CYP2C18: variants seen among roughly 807,000 people sequenced by gnomAD.
CYP2C18 encodes the protein cytochrome P450 family 2 subfamily C member 18, also known as cytochrome P450 2C18.
Under a neutral mutation model 41.3 loss-of-function variants are expected in CYP2C18, and 38 were observed. The ratio of observed to expected loss-of-function variants is 0.92; its 90% CI spans 0.71 to 1.21. CYP2C18 has a LOEUF of 1.21. Ranked by LOEUF, CYP2C18 falls within the 50% of genes most tolerant of loss-of-function variation. The probability of loss-of-function intolerance (pLI) is 0.00; values close to 1 mark genes in which losing one functional copy is unlikely to be tolerated. For synonymous variants in CYP2C18, 236 were observed against 210.0 expected, an observed-to-expected ratio of 1.12 and a Z score of -1.07; for missense variants, 635 against 591.4, an observed-to-expected ratio of 1.07 and a Z score of -0.77.
intron 6 of CYP2C18, among the ~76,000 whole-genome samples, chr10:94,722,019 A>G (rs559741132): frequency 6.6e-6 from 1 of 152,292 alleles, no homozygotes; most frequent in African/African-American, 2.4e-5. Flanking sequence ...TTGGATAGAT[A>G]CCCAGTAGTG....
At chr10:94,709,776 T>C (rs1370494180) in intron 5 of CYP2C18, among the ~76,000 whole-genome samples, 4 of 152,148 alleles carry the variant, frequency 2.6e-5, no homozygotes, top group Non-Finnish European at 5.9e-5. Flanking sequence ...CAATTTTTGA[T>C]TATAGTGTGA....
chr10:94,709,142 G>A (rs11188059), intron 5 of CYP2C18, among the ~76,000 whole-genome samples: 15,883 of 152,108 alleles, frequency 0.1, 1,068 homozygotes, highest in Admixed American at 0.15. Flanking sequence ...TGGAGAAACC[G>A]TGGCTGGATC....
chr10:94,716,778 G>A (rs542399111), intron 5 of CYP2C18, among the ~76,000 whole-genome samples: 33 of 152,200 alleles, frequency 2.2e-4, no homozygotes, highest in Non-Finnish European at 4.4e-4. Flanking sequence ...GTTGACAGTG[G>A]GGTGTTAAAG....
chr10:94,686,394 A>C (rs984727145), intron 1 of CYP2C18, among the ~76,000 whole-genome samples: 1 of 152,178 alleles, frequency 6.6e-6, no homozygotes, highest in African/African-American at 2.4e-5. Flanking sequence ...GAATATTCCT[A>C]TATGAATATT....
chr10:94,691,918 T>G (rs1271848745), intron 3 of CYP2C18, among the ~76,000 whole-genome samples: 1 of 152,154 alleles, frequency 6.6e-6, no homozygotes, highest in African/African-American at 2.4e-5. Context: ...AAACAAGCAA[T>G]GGGGAAAGGA....
chr10:94,686,825 C>G (rs911470468), intron 1 of CYP2C18, among the ~76,000 whole-genome samples: 1 of 152,144 alleles, frequency 6.6e-6, no homozygotes, highest in African/African-American at 2.4e-5. Context: ...CTGCTGCTTT[C>G]TTTGCTTCAC....
At chr10:94,712,381 C>T (rs1847454744) in intron 5 of CYP2C18, among the ~76,000 whole-genome samples, 1 of 151,468 alleles carries the variant, frequency 6.6e-6, no homozygotes. Context: ...AATCAGCATT[C>T]TACTCTCTTC....
At chr10:94,710,877 T>C (rs1398148737) in intron 5 of CYP2C18, among the ~76,000 whole-genome samples, 2 of 152,222 alleles carry the variant, frequency 1.3e-5, no homozygotes, top group Non-Finnish European at 2.9e-5. Context: ...AATGCTGTTC[T>C]AGAGGATTGA....
intron 3 of CYP2C18, among the ~76,000 whole-genome samples, chr10:94,690,453 C>A (rs544122470): frequency 7.2e-4 from 110 of 152,194 alleles, no homozygotes; most frequent in Non-Finnish European, 1.3e-3. Context: ...ATAAATTTCT[C>A]GACACATACA....
At chr10:94,713,615 A>G (rs1847485020) in intron 5 of CYP2C18, among the ~76,000 whole-genome samples, 1 of 152,108 alleles carries the variant, frequency 6.6e-6, no homozygotes, top group Non-Finnish European at 1.5e-5. Context: ...AGTCTTTGTT[A>G]TTGTGAATAA....
chr10:94,701,597 A>AC (rs1847246757), intron 4 of CYP2C18, among the ~76,000 whole-genome samples: 1 of 152,214 alleles, frequency 6.6e-6, no homozygotes, highest in Non-Finnish European at 1.5e-5. Flanking sequence ...GTGCACATGT[A>AC]CCCTAAAACT....
intron 1 of CYP2C18, 70 bp from the exon 2 acceptor site, chr10:94,687,700 T>C (rs1342571716): frequency 7.7e-7 from 1 of 1,304,952 alleles, no homozygotes; most frequent in East Asian, 2.3e-5. Context: ...AATATCAGTC[T>C]GAATCACGGA....
Position 94,718,013 on chromosome 10 carries a change from G to A in CYP2C18, c.820-2383G>A, listed in dbSNP as rs190525704. Among the ~76,000 whole-genome samples, 10 of 152,012 alleles carry A rather than the reference G, an allele frequency of 6.6e-5. No individual in the cohort carries two copies. In the East Asian group the frequency reaches 1.9e-3, roughly 29 times the overall value. On this transcript the variant is annotated intron_variant, in intron 5 of 8. Transcript: ENST00000285979. ...GAGAGATAACATTGGAATTTTGATA[G>A]GGATTTCAATGAAACCATAAATTTC...
At chr10:94,689,553 T>C (rs925414555) in intron 3 of CYP2C18, among the ~76,000 whole-genome samples, 3 of 152,080 alleles carry the variant, frequency 2.0e-5, no homozygotes, top group African/African-American at 7.2e-5. Flanking sequence ...TCCAATACAG[T>C]TGTCCCTCCT....
At chr10:94,691,558 T>G (rs1265259292) in intron 3 of CYP2C18, among the ~76,000 whole-genome samples, 2 of 152,186 alleles carry the variant, frequency 1.3e-5, no homozygotes, top group Non-Finnish European at 2.9e-5. Flanking sequence ...TCCATGCTCA[T>G]GGGTAGGAAG....
intron 3 of CYP2C18, among the ~76,000 whole-genome samples, chr10:94,693,780 G>C (rs1847060459): frequency 6.6e-6 from 1 of 152,078 alleles, no homozygotes; most frequent in African/African-American, 2.4e-5. Flanking sequence ...CAACATTTTT[G>C]TTCAAGTCAC....
Position 94,724,487 on chromosome 10 carries a change from A to G in CYP2C18, c.1103A>G (p.His368Arg), listed in dbSNP as rs1847703263. The change falls in exon 7 of 9, where the codon CAT becomes CGT. Residue 368 changes from histidine (H) to arginine (R), a missense_variant. His to Arg is a conservative substitution (Grantham distance 29, BLOSUM62 0). Coordinates refer to ENST00000285979, the MANE Select transcript of CYP2C18 (RefSeq NM_000772.3). ...YIDLLPTNLP[H>R]AVTCDVKFKN... ...GACCTCCTCCCCACCAACCTGCCCC[A>G]TGCAGTGACCTGTGATGTTAAATTC... The G allele has an allele frequency of 6.2e-7, 1 of 1,613,480 alleles. No homozygotes were observed. Among genetic ancestry groups the G allele is most frequent in the Non-Finnish European group, 8.5e-7 (1 of 1,179,708 alleles).
At chr10:94,713,323 C>T (rs556426579) in intron 5 of CYP2C18, among the ~76,000 whole-genome samples, 1 of 151,904 alleles carries the variant, frequency 6.6e-6, no homozygotes, top group African/African-American at 2.4e-5. Flanking sequence ...TAATGCTATC[C>T]CTCCCCGCTC....
At chr10:94,713,205 A>C (rs1467555588) in intron 5 of CYP2C18, among the ~76,000 whole-genome samples, 2 of 151,794 alleles carry the variant, frequency 1.3e-5, no homozygotes, top group East Asian at 3.9e-4. Context: ...ATTATACTTT[A>C]AGTTCTAGGG....
Sources: gnomAD v4.1 joint callset for allele counts (sites outside exome capture counted in the v4.1 genomes callset) on GRCh38, gnomAD v4.1.1 for gene constraint, MANE v1.5 for transcripts, NCBI Gene and HGNC (gene_info 2026-07-23, HGNC 2026-07-21) for gene names.